DAAM1: variants seen among roughly 807,000 people sequenced by gnomAD.
DAAM1 encodes disheveled-associated activator of morphogenesis 1.
Under a neutral mutation model 130.0 loss-of-function variants are expected in DAAM1, and 52 were observed. That is an observed-to-expected ratio of 0.40 (90% confidence interval 0.32 to 0.50). The LOEUF is 0.50. DAAM1 is among the 20% of genes least tolerant of loss of function. The pLI is 0.61. For missense variants in DAAM1, 1,134 were observed against 1,303.8 expected (o/e 0.87, Z 2.01); for synonymous variants, 452 against 444.5 (o/e 1.02, Z -0.21).
chr14:59,211,016 C>CA (rs1888410249), intron 1 of DAAM1, among the ~76,000 whole-genome samples: 1 of 152,184 alleles, frequency 6.6e-6, no homozygotes, highest in Non-Finnish European at 1.5e-5. Context: ...CTAAATTTTA[C>CA]AAAATGCTGT....
intron 1 of DAAM1, among the ~76,000 whole-genome samples, chr14:59,199,706 C>T (rs534424284): frequency 3.3e-5 from 5 of 152,300 alleles, no homozygotes; most frequent in Admixed American, 3.3e-4. Flanking sequence ...GCAGATGACC[C>T]ATTTTTGTAT....
intron 1 of DAAM1, among the ~76,000 whole-genome samples, chr14:59,247,683 T>A (rs1243597966): frequency 2.0e-5 from 3 of 151,614 alleles, no homozygotes; most frequent in Admixed American, 2.0e-4. Context: ...GACAGGTTGA[T>A]AATTAAGGAG....
chr14:59,206,665 G>A (rs1888272713), intron 1 of DAAM1, among the ~76,000 whole-genome samples: 1 of 152,196 alleles, frequency 6.6e-6, no homozygotes, highest in South Asian at 2.1e-4. Context: ...TTTCTAGAAT[G>A]CCGGGTGTAA....
At chr14:59,277,998 A>G (rs1343617897) in intron 2 of DAAM1, among the ~76,000 whole-genome samples, 3 of 152,170 alleles carry the variant, frequency 2.0e-5, no homozygotes, top group Admixed American at 6.5e-5. Flanking sequence ...CTATACATAT[A>G]TATCTATGTT....
At chr14:59,301,832 A>G (rs1594809327) in intron 3 of DAAM1, among the ~76,000 whole-genome samples, 1 of 152,184 alleles carries the variant, frequency 6.6e-6, no homozygotes, top group East Asian at 1.9e-4. Flanking sequence ...TCTACAGACA[A>G]GTCAATTTAT....
At chr14:59,220,183 G>T (rs901659136) in intron 1 of DAAM1, among the ~76,000 whole-genome samples, 5 of 152,124 alleles carry the variant, frequency 3.3e-5, no homozygotes, top group African/African-American at 1.2e-4. Context: ...GAATGATAAA[G>T]GAAGAGATAC....
At chr14:59,297,811 A>G (rs61984461) in intron 3 of DAAM1, among the ~76,000 whole-genome samples, 10,022 of 152,238 alleles carry the variant, frequency 0.066, 421 homozygotes, top group Non-Finnish European at 0.097. Flanking sequence ...AAATTTTATC[A>G]TAGGTATGTA....
chr14:59,295,002 G>A (rs566609146), intron 3 of DAAM1, among the ~76,000 whole-genome samples: 1 of 152,198 alleles, frequency 6.6e-6, no homozygotes, highest in Non-Finnish European at 1.5e-5. Flanking sequence ...TACAAGTTGT[G>A]TCACTTAACC....
In DAAM1 at chr14:59,327,004, G is replaced by A. The variant is rs770365330; in HGVS notation, c.1372+13G>A. 6.2e-7 allele frequency: 1 copy of A among 1,613,678 alleles called. No homozygotes were observed. The highest frequency in any genetic ancestry group is 8.5e-7 in the Non-Finnish European group (1 of 1,179,832). Reference sequence around the variant, plus strand: ...AAAATGAGAAAAGGTAAATAATGAGGCCCTGATAAGAGGCTGTGTTATTGG... The same window carrying A: ...AAAATGAGAAAAGGTAAATAATGAGACCCTGATAAGAGGCTGTGTTATTGG... On this transcript the variant is annotated intron_variant, in intron 12 of 24. Transcript: ENST00000360909.
chr14:59,343,770 C>T (rs533543326), intron 16 of DAAM1, among the ~76,000 whole-genome samples: 4 of 152,272 alleles, frequency 2.6e-5, no homozygotes, highest in African/African-American at 4.8e-5. Context: ...CCAGCACTCC[C>T]CATGCCTGAG....
At chr14:59,274,611 G>T (rs895847799) in intron 2 of DAAM1, among the ~76,000 whole-genome samples, 13 of 152,160 alleles carry the variant, frequency 8.5e-5, no homozygotes, top group African/African-American at 2.9e-4. Context: ...GTGAATGGAT[G>T]TATAACTAAT....
intron 1 of DAAM1, among the ~76,000 whole-genome samples, chr14:59,190,245 C>G (rs1183759677): frequency 6.6e-6 from 1 of 152,184 alleles, no homozygotes; most frequent in Non-Finnish European, 1.5e-5. Context: ...CCTTTCCCTT[C>G]CCCGTGCCAC....
intron 4 of DAAM1, among the ~76,000 whole-genome samples, chr14:59,316,310 C>G (rs952286824): frequency 1.1e-4 from 17 of 152,088 alleles, no homozygotes; most frequent in African/African-American, 3.1e-4. Flanking sequence ...TTTAAATGGT[C>G]TCATAACATT....
chr14:59,213,368 A>G (rs1399316693), intron 1 of DAAM1, among the ~76,000 whole-genome samples: 1 of 151,370 alleles, frequency 6.6e-6, no homozygotes, highest in Non-Finnish European at 1.5e-5. Flanking sequence ...AAAAAAAAAA[A>G]AAAGGAAAGA....
chr14:59,363,437 G>T (rs1566510367), intron 22 of DAAM1: 1 of 511,396 alleles, frequency 2.0e-6, no homozygotes, highest in South Asian at 2.6e-5. Context: ...TTGGTAAATT[G>T]CTATTTGCAA....
chr14:59,338,853 T>G (rs1363578930), intron 15 of DAAM1, among the ~76,000 whole-genome samples: 1 of 152,214 alleles, frequency 6.6e-6, no homozygotes, highest in African/African-American at 2.4e-5. Context: ...TCAAGTACTT[T>G]TTATAGATTG....
chr14:59,252,608 TTACTC>T (rs1278608927), intron 1 of DAAM1, among the ~76,000 whole-genome samples: 2 of 152,198 alleles, frequency 1.3e-5, no homozygotes, highest in East Asian at 3.8e-4. Flanking sequence ...TGCCAGGAAT[TTACTC>T]TGCTGATACA....
chr14:59,364,696 G>A (rs1439745890), intron 23 of DAAM1, among the ~76,000 whole-genome samples: 1 of 152,040 alleles, frequency 6.6e-6, no homozygotes, highest in African/African-American at 2.4e-5. Flanking sequence ...TTTGGTTGTA[G>A]ATATGGATGA....
At chr14:59,288,736 C>G in intron 2 of DAAM1, among the ~76,000 whole-genome samples, 1 of 151,914 alleles carries the variant, frequency 6.6e-6, no homozygotes, top group East Asian at 1.9e-4. Flanking sequence ...AATTGACTCA[C>G]AATTCTGCAG....
Sources: allele counts gnomAD v4.1 joint callset (sites outside exome capture counted in the v4.1 genomes callset), GRCh38; gene constraint gnomAD v4.1.1; transcripts MANE v1.5; gene names NCBI Gene and HGNC (gene_info 2026-07-23, HGNC 2026-07-21).